Variants in GPAT3 observed in about 807,000 individuals in gnomAD.
GPAT3 encodes glycerol-3-phosphate acyltransferase 3.
Under a neutral mutation model 58.8 loss-of-function variants are expected in GPAT3, and 53 were observed. The observed-to-expected ratio is 0.90, with a 90% CI of 0.72 to 1.13. The LOEUF is 1.13. GPAT3 is among the 50% of genes most tolerant of loss of function. The probability of loss-of-function intolerance (pLI) is 0.00; values close to 1 mark genes in which losing one functional copy is unlikely to be tolerated. For synonymous variants in GPAT3, 197 were observed against 187.4 expected (o/e 1.05, Z -0.42); for missense variants, 511 against 527.6 (o/e 0.97, Z 0.31).
At chr4:83,600,210 TCTC>T (rs1277226475) in intron 11 of GPAT3, among the ~76,000 whole-genome samples, 1 of 152,144 alleles carries the variant, frequency 6.6e-6, no homozygotes, top group East Asian at 1.9e-4. Flanking sequence ...TGATAAGGGC[TCTC>T]CTCTTGTGTT....
intron 11 of GPAT3, among the ~76,000 whole-genome samples, chr4:83,602,097 TAAC>T (rs1403014821): frequency 6.6e-6 from 1 of 152,254 alleles, no homozygotes; most frequent in East Asian, 1.9e-4. Flanking sequence ...AGATGTCCTA[TAAC>T]CCATGGTCAT....
At chr4:83,593,877 AT>A (rs202230089) in intron 6 of GPAT3, among the ~76,000 whole-genome samples, 1 of 151,860 alleles carries the variant, frequency 6.6e-6, no homozygotes, top group African/African-American at 2.4e-5. Flanking sequence ...TACTGATTTA[AT>A]TTTTTTTGAA....
intron 2 of GPAT3, among the ~76,000 whole-genome samples, chr4:83,575,284 A>G (rs995353040): frequency 3.3e-5 from 5 of 151,972 alleles, no homozygotes; most frequent in Non-Finnish European, 5.9e-5. Flanking sequence ...TGAATTGAAT[A>G]TTTTTTCCTG....
chr4:83,543,454 A>G (rs1038460659), intron 1 of GPAT3, among the ~76,000 whole-genome samples: 12 of 152,178 alleles, frequency 7.9e-5, no homozygotes, highest in African/African-American at 2.9e-4. Flanking sequence ...AAAAAATAAA[A>G]AAATCACATC....
chr4:83,589,541 A>G (rs1329643999), intron 5 of GPAT3, among the ~76,000 whole-genome samples: 3 of 152,216 alleles, frequency 2.0e-5, no homozygotes, highest in African/African-American at 7.2e-5. Flanking sequence ...CCTTGATAAG[A>G]AAAGTTTGCC....
At chr4:83,570,064 C>G (rs764847126) in intron 2 of GPAT3, among the ~76,000 whole-genome samples, 1 of 152,092 alleles carries the variant, frequency 6.6e-6, no homozygotes, top group African/African-American at 2.4e-5. Flanking sequence ...GTTGTATTGA[C>G]GAGAAATATC....
intron 6 of GPAT3, among the ~76,000 whole-genome samples, chr4:83,590,852 G>A (rs1726567219): frequency 6.8e-6 from 1 of 146,062 alleles, no homozygotes; most frequent in Non-Finnish European, 1.5e-5. Flanking sequence ...TCTCAAAACA[G>A]CCTTTCTTGG....
upstream of GPAT3, chr4:83,535,653 C>T (rs1724049390): frequency 3.1e-6 from 3 of 961,046 alleles, no homozygotes; most frequent in Non-Finnish European, 3.7e-6. Flanking sequence ...AGGGAGATGG[C>T]GGCTCAGTGG....
chr4:83,575,155 C>T (rs914311398), intron 2 of GPAT3, among the ~76,000 whole-genome samples: 1 of 152,062 alleles, frequency 6.6e-6, no homozygotes, highest in Non-Finnish European at 1.5e-5. Context: ...GGATTACAGG[C>T]GTGAGCCACC....
intron 2 of GPAT3, among the ~76,000 whole-genome samples, chr4:83,568,691 T>G (rs1014325445): frequency 4.6e-5 from 7 of 152,044 alleles, no homozygotes; most frequent in African/African-American, 1.7e-4. Context: ...GTATTTTTAC[T>G]AGAGACGGGG....
intron 11 of GPAT3, among the ~76,000 whole-genome samples, chr4:83,602,331 AT>A (rs1350338673): frequency 2.6e-5 from 4 of 152,122 alleles, no homozygotes; most frequent in African/African-American, 9.7e-5. Flanking sequence ...GATCCTCAGA[AT>A]TGTCCAGTGT....
chr4:83,590,416 G>A, intron 6 of GPAT3, 124 bp downstream of exon 6: 1 of 789,210 alleles, frequency 1.3e-6, no homozygotes, highest in Non-Finnish European at 2.0e-6. Context: ...TACTATTGTA[G>A]CTATATAAGT....
intron 1 of GPAT3, among the ~76,000 whole-genome samples, chr4:83,540,635 CT>C (rs1368191944): frequency 1.3e-5 from 2 of 152,194 alleles, no homozygotes; most frequent in Non-Finnish European, 2.9e-5. Flanking sequence ...TACATTATCT[CT>C]TTTGGCCTTT....
At chr4:83,596,833 A>C (rs1726859671) in intron 7 of GPAT3, 25 bp from the exon 8 acceptor site, 1 of 1,591,322 alleles carries the variant, frequency 6.3e-7, no homozygotes, top group East Asian at 2.2e-5. Flanking sequence ...TAAAGGCAGA[A>C]TTTTGATCCT....
At chr4:83,587,551 T>G (rs1726425078) in intron 4 of GPAT3, among the ~76,000 whole-genome samples, 1 of 152,126 alleles carries the variant, frequency 6.6e-6, no homozygotes, top group Non-Finnish European at 1.5e-5. Flanking sequence ...CTCAGCCTCC[T>G]GAGTAGCTGG....
chr4:83,539,641 C>T (rs1724222751), intron 1 of GPAT3, among the ~76,000 whole-genome samples: 1 of 152,174 alleles, frequency 6.6e-6, no homozygotes, highest in Admixed American at 6.5e-5. Flanking sequence ...TTATTGAGCA[C>T]CTACTTCTAT....
At chr4:83,584,952 C>T (rs1168189921) in intron 3 of GPAT3, among the ~76,000 whole-genome samples, 4 of 152,174 alleles carry the variant, frequency 2.6e-5, no homozygotes, top group Admixed American at 6.5e-5. Context: ...AATGTTCTGG[C>T]CTGTTAATCT....
intron 1 of GPAT3, among the ~76,000 whole-genome samples, chr4:83,543,268 A>T (rs915839872): frequency 4.6e-5 from 7 of 151,928 alleles, no homozygotes; most frequent in Non-Finnish European, 8.8e-5. Context: ...AAAAAAAAAA[A>T]TTTTGTCTCT....
intron 2 of GPAT3, among the ~76,000 whole-genome samples, chr4:83,562,785 T>G (rs1725227075): frequency 7.1e-6 from 1 of 140,512 alleles, no homozygotes. Flanking sequence ...CAGAGAGAGA[T>G]AGAAAGAGAT....
Sources: allele counts gnomAD v4.1 joint callset (sites outside exome capture counted in the v4.1 genomes callset), GRCh38; gene constraint gnomAD v4.1.1; transcripts MANE v1.5; gene names NCBI Gene and HGNC (gene_info 2026-07-23, HGNC 2026-07-21).